Variants in POU6F2 observed in about 807,000 individuals in gnomAD.
POU6F2 encodes the protein POU domain, class 6, transcription factor 2.
Under a neutral mutation model 71.3 loss-of-function variants are expected in POU6F2, and 31 were observed. The ratio of observed to expected loss-of-function variants is 0.43; its 90% CI spans 0.33 to 0.59. POU6F2 has a LOEUF of 0.59. POU6F2 is among the 20% of genes least tolerant of loss of function. The pLI is 0.04. For synonymous variants in POU6F2, 347 were observed against 355.7 expected (o/e 0.98, Z 0.27); for missense variants, 783 against 856.8 (o/e 0.91, Z 1.07).
intron 1 of POU6F2, chr7:38,984,448 G>A (rs1027340519): frequency 6.6e-6 from 1 of 152,068 alleles, no homozygotes; most frequent in Non-Finnish European, 1.5e-5. Context: ...AAGCAAAAAG[G>A]CAGCAGAAAA....
intron 4 of POU6F2, among the ~76,000 whole-genome samples, chr7:39,317,166 C>T (rs1290000701): frequency 1.3e-5 from 2 of 152,206 alleles, no homozygotes; most frequent in East Asian, 3.8e-4. Context: ...AAGTAAGTGT[C>T]GCTGAGCTGC....
In POU6F2 at chr7:39,424,556, C is replaced by T. The variant is rs191392167; in HGVS notation, c.1114-8521C>T. Among the ~76,000 whole-genome samples the T allele has an allele frequency of 3.6e-3, 542 of 152,254 alleles. 3 individuals are homozygous for T. Among genetic ancestry groups the T allele is most frequent in the African/African-American group, 0.013 (521 of 41,564 alleles). ...TTTCCTAGACACCGATTGCTGCCCA[C>T]CAATCACTCCAGGAATAGACCAAGA... is the stretch of plus-strand genomic sequence containing the variant. On this transcript the variant is annotated intron_variant, in intron 6 of 9. Coordinates refer to ENST00000518318, the MANE Select transcript of POU6F2 (RefSeq NM_001370959.1).
chr7:39,247,299 T>C (rs371535581), intron 4 of POU6F2, among the ~76,000 whole-genome samples: 3 of 151,938 alleles, frequency 2.0e-5, no homozygotes, highest in East Asian at 3.9e-4. Context: ...CAAAACCTCA[T>C]CTCTACTAAA....
intron 5 of POU6F2, among the ~76,000 whole-genome samples, chr7:39,366,481 A>G (rs574291577): frequency 6.6e-6 from 1 of 152,178 alleles, no homozygotes; most frequent in African/African-American, 2.4e-5. Context: ...TAAGGGTAAC[A>G]AAGGGTAGCA....
chr7:39,097,747 C>T (rs1247773820), intron 2 of POU6F2, among the ~76,000 whole-genome samples: 1 of 152,158 alleles, frequency 6.6e-6, no homozygotes, highest in African/African-American at 2.4e-5. Flanking sequence ...AATTGATCAC[C>T]TAGCTCACCC....
In POU6F2 at chr7:39,339,682, C is replaced by CAGCAGCAGCAGCAGCAG. The variant is rs754399260; in HGVS notation, c.639_640insAGCAGCAGCAGCAGCAG (p.Gln214SerfsTer123). On this transcript the variant is annotated frameshift_variant, in exon 5 of 10. Transcript: ENST00000518318. LOFTEE classifies it high-confidence loss of function. Reference sequence around the variant, plus strand: ...ACTCCCAGCTCCAGCAGCTCCAGCTCCAGCTCCAGCAGCAGCAGCAGCAGC... The same window carrying CAGCAGCAGCAGCAGCAG: ...ACTCCCAGCTCCAGCAGCTCCAGCTCAGCAGCAGCAGCAGCAGCAGCTCCAGCAGCAGCAGCAGCAGC... The CAGCAGCAGCAGCAGCAG allele has an allele frequency of 6.2e-7, 1 of 1,602,286 alleles. No individual in the cohort carries two copies. Among genetic ancestry groups the CAGCAGCAGCAGCAGCAG allele is most frequent in the South Asian group, 1.1e-5 (1 of 90,228 alleles).
chr7:39,027,842 A>C (rs569085824), intron 1 of POU6F2, among the ~76,000 whole-genome samples: 1 of 152,140 alleles, frequency 6.6e-6, no homozygotes, highest in East Asian at 1.9e-4. Context: ...GGATTTTTTT[A>C]AATTTGTTTT....
At chr7:39,226,562 A>G (rs982458575) in intron 4 of POU6F2, among the ~76,000 whole-genome samples, 1 of 152,228 alleles carries the variant, frequency 6.6e-6, no homozygotes. Context: ...AATGTACATG[A>G]AAGAAGCAAG....
Position 39,149,481 on chromosome 7 carries a change from G to A in POU6F2, c.278-54754G>A, listed in dbSNP as rs547985972. On this transcript the variant is annotated intron_variant, in intron 2 of 9. Coordinates refer to ENST00000518318, the MANE Select transcript of POU6F2 (RefSeq NM_001370959.1). ...GTGAAATGGCTGCTGTAGTGAAGCA[G>A]ACTAACATATCTGTCATCTCACATA... is the stretch of plus-strand genomic sequence containing the variant. Among the ~76,000 whole-genome samples, 5 of 152,318 alleles carry A rather than the reference G, an allele frequency of 3.3e-5. No homozygotes were observed. The East Asian group carries it at 9.6e-4, about 29-fold the overall frequency.
At chr7:39,157,292 C>T in intron 2 of POU6F2, among the ~76,000 whole-genome samples, 1 of 152,068 alleles carries the variant, frequency 6.6e-6, no homozygotes, top group East Asian at 1.9e-4. Context: ...ACAGATTACG[C>T]AGTTCCACCA....
intron 2 of POU6F2, among the ~76,000 whole-genome samples, chr7:39,166,312 A>G (rs1344449758): frequency 2.6e-5 from 4 of 152,224 alleles, no homozygotes; most frequent in Non-Finnish European, 4.4e-5. Context: ...GCTATATCCT[A>G]TAATTCCTTC....
intron 5 of POU6F2, among the ~76,000 whole-genome samples, chr7:39,363,906 C>T (rs1399314925): frequency 1.3e-5 from 2 of 152,082 alleles, no homozygotes; most frequent in Non-Finnish European, 2.9e-5. Flanking sequence ...GAATTGGAGA[C>T]ATCAAGAATA....
intron 6 of POU6F2, among the ~76,000 whole-genome samples, chr7:39,416,814 T>TAA (rs531942673): frequency 1.8e-4 from 26 of 142,492 alleles, no homozygotes; most frequent in African/African-American, 5.6e-4. Context: ...GTTAAAAATG[T>TAA]AAAAAAAAAA....
chr7:39,088,611 ATTC>A, intron 2 of POU6F2, among the ~76,000 whole-genome samples: 1 of 152,188 alleles, frequency 6.6e-6, no homozygotes. Context: ...TCAAACTGTC[ATTC>A]TTCTATATAT....
chr7:39,339,495 C>T, intron 4 of POU6F2, 147 bp from the exon 5 acceptor site: 2 of 1,229,350 alleles, frequency 1.6e-6, no homozygotes, highest in Non-Finnish European at 1.1e-6. Context: ...TGCCTCACAA[C>T]ACTCTTAAAT....
At chr7:39,280,091 C>T (rs191263527) in intron 4 of POU6F2, among the ~76,000 whole-genome samples, 1 of 151,832 alleles carries the variant, frequency 6.6e-6, no homozygotes. Context: ...AGGTAAGGAC[C>T]CCCTCATGAC....
intron 4 of POU6F2, among the ~76,000 whole-genome samples, chr7:39,333,853 G>A (rs559260613): frequency 1.3e-5 from 2 of 152,174 alleles, no homozygotes; most frequent in South Asian, 4.1e-4. Context: ...GCAGCTCCCT[G>A]TAGGGCTGCT....
At chr7:39,037,598 C>T (rs139838552) in intron 1 of POU6F2, among the ~76,000 whole-genome samples, 293 of 152,104 alleles carry the variant, frequency 1.9e-3, no homozygotes, top group African/African-American at 7.0e-3. Context: ...TCCTTTGTGT[C>T]TCCAGCAACG....
At chr7:39,248,091 T>C (rs907624404) in intron 4 of POU6F2, among the ~76,000 whole-genome samples, 1 of 151,972 alleles carries the variant, frequency 6.6e-6, no homozygotes, top group African/African-American at 2.4e-5. Context: ...GTAACTGTTC[T>C]CTTTTCCAGG....
Sources: gnomAD v4.1 joint callset for allele counts (sites outside exome capture counted in the v4.1 genomes callset) on GRCh38, gnomAD v4.1.1 for gene constraint, MANE v1.5 for transcripts, NCBI Gene and HGNC (gene_info 2026-07-23, HGNC 2026-07-21) for gene names.